FOXO1: variants seen among roughly 807,000 people sequenced by gnomAD.
The protein encoded by FOXO1 is forkhead box protein O1.
In FOXO1, 6 loss-of-function variants were observed where a neutral mutation model predicts 44.1. The ratio of observed to expected loss-of-function variants is 0.14; its 90% CI spans 0.07 to 0.27. FOXO1 has a LOEUF of 0.27. Among genes scored for constraint, FOXO1 ranks in the 10% least tolerant of loss-of-function variants. The pLI is 1.00. For missense variants in FOXO1, 737 were observed against 888.8 expected (o/e 0.83, Z 2.17); for synonymous variants, 380 against 362.7 (o/e 1.05, Z -0.54).
intron 1 of FOXO1, among the ~76,000 whole-genome samples, chr13:40,649,543 TC>T (rs1239823315): frequency 6.6e-6 from 1 of 152,172 alleles, no homozygotes; most frequent in African/African-American, 2.4e-5. Context: ...TTAAAATGTG[TC>T]CCTATTTTCA....
chr13:40,651,817 G>A (rs866449134), intron 1 of FOXO1, among the ~76,000 whole-genome samples: 1 of 151,900 alleles, frequency 6.6e-6, no homozygotes, highest in South Asian at 2.1e-4. Context: ...CAGGCACACC[G>A]GTAACAGAAG....
chr13:40,634,179 T>C (rs1210637108), intron 1 of FOXO1, among the ~76,000 whole-genome samples: 2 of 152,120 alleles, frequency 1.3e-5, no homozygotes, highest in East Asian at 3.8e-4. Context: ...TGTAAAGAAG[T>C]TTCCCTTTGC....
chr13:40,635,885 CATGT>C (rs1877129710), intron 1 of FOXO1, among the ~76,000 whole-genome samples: 1 of 152,202 alleles, frequency 6.6e-6, no homozygotes, highest in Non-Finnish European at 1.5e-5. Flanking sequence ...CAGATGCATG[CATGT>C]GACAGACCCA....
intron 1 of FOXO1, among the ~76,000 whole-genome samples, chr13:40,622,246 A>C (rs568002487): frequency 6.6e-6 from 1 of 152,246 alleles, no homozygotes; most frequent in Admixed American, 6.5e-5. Flanking sequence ...AAAAGTCTAT[A>C]AAGAATCGAT....
chr13:40,556,030 A>C lies in FOXO1; in HGVS notation c.*3019T>G, dbSNP rs1395125385. 1.3e-5 allele frequency: 2 copies of C among 152,168 alleles called. No homozygotes were observed. The highest frequency in any genetic ancestry group is 2.9e-5 in the Non-Finnish European group (2 of 68,034). 9.4% of individuals were successfully genotyped at this position (152,168 alleles called of 1,614,324 possible). A position where few individuals can be genotyped will look rare whatever the true frequency, so the allele number is the denominator to read the frequency against. On this transcript the variant is annotated 3_prime_UTR_variant, in exon 3 of 3. Transcript: ENST00000379561. ...ATGCCAGGTTGGTCTGTTCGCATAA[A>C]CCACAATACATTTTTTTTAATGAAT...
At chr13:40,561,244 C>T (rs922651233) in intron 1 of FOXO1, among the ~76,000 whole-genome samples, 1 of 147,594 alleles carries the variant, frequency 6.8e-6, no homozygotes, top group East Asian at 2.0e-4. Flanking sequence ...CCCAGCTACT[C>T]GGGAGGCTGG....
chr13:40,561,425 C>T (rs998544119), intron 1 of FOXO1, among the ~76,000 whole-genome samples: 6 of 150,902 alleles, frequency 4.0e-5, no homozygotes, highest in African/African-American at 9.7e-5. Flanking sequence ...ATTGTAAATA[C>T]CTTCTTTTAT....
At chr13:40,593,012 T>C (rs1294262518) in intron 1 of FOXO1, among the ~76,000 whole-genome samples, 1 of 152,160 alleles carries the variant, frequency 6.6e-6, no homozygotes, top group Admixed American at 6.5e-5. Flanking sequence ...GCATTTTGTT[T>C]TGGGGGCTTT....
chr13:40,650,502 T>C (rs1877644908), intron 1 of FOXO1, among the ~76,000 whole-genome samples: 1 of 152,100 alleles, frequency 6.6e-6, no homozygotes, highest in Non-Finnish European at 1.5e-5. Flanking sequence ...TCAATTAAGC[T>C]GAACAGATTA....
chr13:40,608,197 A>G (rs1452174661), intron 1 of FOXO1, among the ~76,000 whole-genome samples: 2 of 152,060 alleles, frequency 1.3e-5, no homozygotes, highest in African/African-American at 4.8e-5. Context: ...CCAATTCTTC[A>G]CTCCCTGGTA....
At chr13:40,601,992 G>C (rs1273359612) in intron 1 of FOXO1, among the ~76,000 whole-genome samples, 1 of 152,112 alleles carries the variant, frequency 6.6e-6, no homozygotes, top group Non-Finnish European at 1.5e-5. Context: ...AGCTTTCAGA[G>C]CCAAGAGGCA....
At chr13:40,590,079 TCC>T (rs1875312159) in intron 1 of FOXO1, among the ~76,000 whole-genome samples, 1 of 152,068 alleles carries the variant, frequency 6.6e-6, no homozygotes, top group Admixed American at 6.6e-5. Flanking sequence ...CCTACCCAAC[TCC>T]TCCCAATAAC....
chr13:40,595,938 A>ATTTTT (rs71080387), intron 1 of FOXO1, among the ~76,000 whole-genome samples: 3 of 130,830 alleles, frequency 2.3e-5, no homozygotes, highest in African/African-American at 5.7e-5. Context: ...ATGTCAGCTA[A>ATTTTT]TTTTTTTTTT....
chr13:40,639,264 C>G (rs1877271439), intron 1 of FOXO1, among the ~76,000 whole-genome samples: 1 of 151,996 alleles, frequency 6.6e-6, no homozygotes, highest in Non-Finnish European at 1.5e-5. Context: ...GGAGAAGGTT[C>G]AAGAGCCAGC....
At chr13:40,596,100 C>T (rs549266275) in intron 1 of FOXO1, among the ~76,000 whole-genome samples, 7 of 152,188 alleles carry the variant, frequency 4.6e-5, no homozygotes, top group African/African-American at 1.7e-4. Flanking sequence ...AACAAAGGGA[C>T]TTTTAGGCTG....
rs150123009 is a variant in FOXO1 at position 40,592,050 on chromosome 13, A to T, written c.631-31190T>A. Among the ~76,000 whole-genome samples the T allele has an allele frequency of 2.3e-3, 351 of 152,280 alleles. 2 individuals carry two copies. Among genetic ancestry groups the T allele is most frequent in the Non-Finnish European group, 4.5e-3 (309 of 68,012 alleles). On this transcript the variant is annotated intron_variant, in intron 1 of 2. Transcript: ENST00000379561. ...TTCTACAGCTCCATAAGTAAATTAG[A>T]GCTCTGCCAGTAGATTAAATGAAAT...
At chr13:40,661,933 G>A (rs1878048061) in intron 1 of FOXO1, among the ~76,000 whole-genome samples, 1 of 152,020 alleles carries the variant, frequency 6.6e-6, no homozygotes, top group South Asian at 2.1e-4. Flanking sequence ...CTGCACTTTA[G>A]GAGATCAAGG....
At chr13:40,639,010 A>G (rs577664005) in intron 1 of FOXO1, among the ~76,000 whole-genome samples, 4 of 152,306 alleles carry the variant, frequency 2.6e-5, no homozygotes, top group African/African-American at 9.6e-5. Flanking sequence ...CCTGACCAAC[A>G]TGGTAAAACC....
In FOXO1 at chr13:40,564,601, G is replaced by T. The variant is rs540272511; in HGVS notation, c.631-3741C>A. Reference sequence around the variant, plus strand: ...CTACTGGCCACAGGAGAGGCTGGATGGAAGAGCAGTTCACCAGAAGGACTT... The same window carrying T: ...CTACTGGCCACAGGAGAGGCTGGATTGAAGAGCAGTTCACCAGAAGGACTT... On this transcript the variant is annotated intron_variant, in intron 1 of 2. Transcript: ENST00000379561. Among the ~76,000 whole-genome samples, 253 of 152,308 alleles carry T rather than the reference G, an allele frequency of 1.7e-3. 1 individual carries two copies. The highest frequency in any genetic ancestry group is 5.5e-3 in the African/African-American group (228 of 41,578).
Sources: gnomAD v4.1 joint callset for allele counts (sites outside exome capture counted in the v4.1 genomes callset) on GRCh38, gnomAD v4.1.1 for gene constraint, MANE v1.5 for transcripts, NCBI Gene and HGNC (gene_info 2026-07-23, HGNC 2026-07-21) for gene names.